Variants in FBN1 observed in about 807,000 individuals in gnomAD.
FBN1 encodes the protein fibrillin-1.
In FBN1, 29 loss-of-function variants were observed where a neutral mutation model predicts 365.1. The ratio of observed to expected loss-of-function variants is 0.08; its 90% CI spans 0.06 to 0.11. FBN1 has a LOEUF of 0.11. Ranked by LOEUF, FBN1 falls within the 10% of genes least tolerant of loss-of-function variation. The pLI, the probability that FBN1 is intolerant of heterozygous loss-of-function variation, is 1.00. For missense variants in FBN1, 2,476 were observed against 3,703.2 expected, an observed-to-expected ratio of 0.67 and a Z score of 8.60; for synonymous variants, 1,210 against 1,270.5, an observed-to-expected ratio of 0.95 and a Z score of 1.01.
chr15:48,497,375 T>C lies in FBN1; in HGVS notation c.2184A>G (p.Ala728=), dbSNP rs1409296658. 3 of 1,613,784 alleles carry C rather than the reference T, an allele frequency of 1.9e-6. No individual in the cohort carries two copies. Among genetic ancestry groups the C allele is most frequent in the South Asian group, 1.1e-5 (1 of 91,084 alleles). ...CATTTGGGCAAATATCAGGATCTAG[T>C]GCACATTCATTTATATCTGCACCAC... The part of the protein sequence containing the change: ...TSAGSDINEC[A]LDPDICPNGI... The change falls in exon 19 of 66, where the codon GCA becomes GCG. Residue 728 remains alanine (A), a synonymous_variant. Coordinates refer to ENST00000316623, the MANE Select transcript of FBN1 (RefSeq NM_000138.5).
chr15:48,470,521 C>A, intron 36 of FBN1, 113 bp downstream of exon 36: 1 of 1,393,166 alleles, frequency 7.2e-7, no homozygotes. Flanking sequence ...TTAATACTTC[C>A]CCCTTGCTTT....
At chr15:48,452,806 G>C in intron 44 of FBN1, 122 bp from the exon 45 acceptor site, 2 of 1,104,244 alleles carry the variant, frequency 1.8e-6, no homozygotes, top group Non-Finnish European at 2.7e-6. Context: ...AGACAACATA[G>C]ATGTGTACAG....
chr15:48,533,334 T>C (rs1392911724), intron 8 of FBN1, among the ~76,000 whole-genome samples: 3 of 152,208 alleles, frequency 2.0e-5, no homozygotes, highest in South Asian at 2.1e-4. Context: ...ATAAGTTACA[T>C]GCACTCATCA....
At chr15:48,547,034 T>C (rs1348487587) in intron 6 of FBN1, among the ~76,000 whole-genome samples, 2 of 152,046 alleles carry the variant, frequency 1.3e-5, no homozygotes, top group African/African-American at 2.4e-5. Flanking sequence ...CTTGAATTAG[T>C]GAGGCTGTCC....
At chr15:48,449,627 T>A (rs150603552) in intron 45 of FBN1, among the ~76,000 whole-genome samples, 199 of 152,336 alleles carry the variant, frequency 1.3e-3, no homozygotes, top group African/African-American at 4.5e-3. Context: ...AATGCATGAA[T>A]TCACATATGA....
chr15:48,417,341 C>T (rs1018869461), intron 63 of FBN1, among the ~76,000 whole-genome samples: 3 of 151,934 alleles, frequency 2.0e-5, no homozygotes, highest in African/African-American at 7.3e-5. Flanking sequence ...TCCTACCTGC[C>T]TGCCTGCCTG....
chr15:48,537,323 T>A (rs1332812116), intron 7 of FBN1, among the ~76,000 whole-genome samples: 1 of 152,158 alleles, frequency 6.6e-6, no homozygotes. Context: ...ACTGCCATAA[T>A]GCACTGCATC....
At chr15:48,625,374 A>G (rs1597640941) in intron 2 of FBN1, among the ~76,000 whole-genome samples, 1 of 152,240 alleles carries the variant, frequency 6.6e-6, no homozygotes, top group Admixed American at 6.5e-5. Flanking sequence ...AAACTTGGCC[A>G]CTCAAACCCA....
chr15:48,434,500 AC>A, intron 54 of FBN1, 93 bp downstream of exon 54: 1 of 1,506,978 alleles, frequency 6.6e-7, no homozygotes, highest in South Asian at 1.1e-5. Context: ...TATTATATAC[AC>A]CCTGAGTTGT....
intron 2 of FBN1, among the ~76,000 whole-genome samples, chr15:48,616,418 A>T (rs955401789): frequency 2.6e-5 from 4 of 152,230 alleles, no homozygotes; most frequent in Admixed American, 2.0e-4. Flanking sequence ...GAAACTGCAA[A>T]CTATTAGAAC....
intron 13 of FBN1, among the ~76,000 whole-genome samples, chr15:48,511,508 T>A (rs1470336092): frequency 6.6e-6 from 1 of 152,144 alleles, no homozygotes; most frequent in East Asian, 1.9e-4. Flanking sequence ...TCTCTCTTCC[T>A]CAATTTCAGA....
intron 65 of FBN1, 103 bp downstream of exon 65, chr15:48,412,466 G>T: frequency 1.7e-6 from 2 of 1,195,852 alleles, no homozygotes; most frequent in Non-Finnish European, 2.5e-6. Flanking sequence ...GTTTCTCCCT[G>T]GGGAGCTTTT....
intron 35 of FBN1, among the ~76,000 whole-genome samples, chr15:48,471,652 T>C (rs747412541): frequency 5.9e-5 from 9 of 152,282 alleles, no homozygotes; most frequent in Middle Eastern, 6.8e-3. Flanking sequence ...TAAAAATACA[T>C]GAGGGAATTA....
At position 48,472,666 on chromosome 15, in the gene FBN1, C is replaced by T; in HGVS notation, c.4221G>A (p.Glu1407=). The T allele has an allele frequency of 6.2e-7, 1 of 1,614,154 alleles. No individual in the cohort carries two copies. Among genetic ancestry groups the T allele is most frequent in the Non-Finnish European group, 8.5e-7 (1 of 1,180,008 alleles). ...CACAGAGATTCAGGTTCTCAGAGCACTCATCAAGGTCTACAGCCAGAAAGA... is the reference window on the plus strand; with the variant it reads ...CACAGAGATTCAGGTTCTCAGAGCATTCATCAAGGTCTACAGCCAGAAAGA... The part of the protein sequence containing the change: ...GDGFTCTDLD[E]CSENLNLCGN... The change falls in exon 35 of 66, where the codon GAG becomes GAA. Residue 1407 remains glutamate (E), a synonymous_variant. Transcript: ENST00000316623.
chr15:48,491,475 C>T (rs1179483367), intron 24 of FBN1, among the ~76,000 whole-genome samples: 3 of 151,998 alleles, frequency 2.0e-5, no homozygotes, highest in Admixed American at 6.6e-5. Context: ...CTCAGCCTCC[C>T]GAGTAGCTGG....
intron 24 of FBN1, among the ~76,000 whole-genome samples, chr15:48,490,864 T>C (rs780952301): frequency 6.6e-6 from 1 of 152,234 alleles, no homozygotes; most frequent in Non-Finnish European, 1.5e-5. Flanking sequence ...TCTCAGAAGG[T>C]TCTGTGAAGC....
Position 48,515,369 on chromosome 15 carries a change from C to G in FBN1, c.1468+18G>C, listed in dbSNP as rs1441819883. 1.2e-6 allele frequency: 2 copies of G among 1,613,726 alleles called. No homozygotes were observed. Among genetic ancestry groups the G allele is most frequent in the Non-Finnish European group, 1.7e-6 (2 of 1,179,792 alleles). ...ATTACAACAGACCCTTGGTGCCAAC[C>G]TAGGATGGATCACGTACCAATACAC... On this transcript the variant is annotated intron_variant, in intron 12 of 65. Coordinates refer to ENST00000316623, the MANE Select transcript of FBN1 (RefSeq NM_000138.5).
intron 43 of FBN1, among the ~76,000 whole-genome samples, chr15:48,459,963 T>C (rs2141263621): frequency 6.6e-6 from 1 of 152,292 alleles, no homozygotes; most frequent in East Asian, 1.9e-4. Context: ...TCCCAGAATC[T>C]CTCCCCATGT....
chr15:48,572,359 T>C (rs747156394), intron 6 of FBN1, among the ~76,000 whole-genome samples: 3 of 151,976 alleles, frequency 2.0e-5, no homozygotes, highest in African/African-American at 7.2e-5. Context: ...TCTACCTTTG[T>C]AGGGGCAAGA....
Sources: gnomAD v4.1 joint callset for allele counts (sites outside exome capture counted in the v4.1 genomes callset) on GRCh38, gnomAD v4.1.1 for gene constraint, MANE v1.5 for transcripts, NCBI Gene and HGNC (gene_info 2026-07-23, HGNC 2026-07-21) for gene names.